Variants in LYNX1 observed in about 807,000 individuals in gnomAD.
LYNX1 encodes Ly6/neurotoxin 1, also known as ly-6/neurotoxin-like protein 1.
A neutral mutation model predicts 8.3 loss-of-function variants in LYNX1; 8 were observed. That is an observed-to-expected ratio of 0.97 (90% CI 0.57 to 1.74). The LOEUF (loss-of-function observed/expected upper bound fraction) is 1.74. Among genes scored for constraint, LYNX1 ranks in the 40% most tolerant of loss-of-function variants. The pLI, the probability that LYNX1 is intolerant of heterozygous loss-of-function variation, is 0.00. For synonymous variants in LYNX1, 73 were observed against 67.9 expected (o/e 1.08, Z -0.37); for missense variants, 158 against 159.7 (o/e 0.99, Z 0.06).
In LYNX1 at chr8:142,771,759, G is replaced by A. The variant is rs748608477; in HGVS notation, c.*3408C>T. On this transcript the variant is annotated 3_prime_UTR_variant, in exon 4 of 4. Coordinates refer to ENST00000652477, the MANE Select transcript of LYNX1 (RefSeq NM_177477.4). ...CCAAATCGCCTTCATGAGAGATGAC[G>A]AATCAGATGCTACATAGTGGGGGAG... The A allele has an allele frequency of 2.2e-5, 22 of 985,722 alleles. No homozygotes were observed. The East Asian group carries it at 8.0e-4, about 36-fold the overall frequency. 61.1% of individuals were successfully genotyped at this position (985,722 alleles called of 1,614,324 possible). A position where few individuals can be genotyped will look rare whatever the true frequency, so the allele number is the denominator to read the frequency against.
Position 142,773,102 on chromosome 8 carries a change from A to G in LYNX1, c.*2065T>C. ...GCTGAGGAAGCCACCCAACCCGACAATGGGCTTGCGCAAGCCGCGCAGTGA... is the reference window on the plus strand; with the variant it reads ...GCTGAGGAAGCCACCCAACCCGACAGTGGGCTTGCGCAAGCCGCGCAGTGA... On this transcript the variant is annotated 3_prime_UTR_variant, in exon 4 of 4. Coordinates refer to ENST00000652477, the MANE Select transcript of LYNX1 (RefSeq NM_177477.4). 2.0e-6 allele frequency: 2 copies of G among 985,442 alleles called. No individual in the cohort carries two copies. 61.0% of individuals were successfully genotyped at this position (985,442 alleles called of 1,614,324 possible).
upstream of LYNX1, chr8:142,777,719 G>A: frequency 2.5e-6 from 1 of 397,606 alleles, no homozygotes; most frequent in Non-Finnish European, 4.4e-6. Flanking sequence ...CCGACACAGA[G>A]GCAGCCACGC....
chr8:142,775,390 G>C, intron 3 of LYNX1, 27 bp from the exon 4 acceptor site: 1 of 1,608,938 alleles, frequency 6.2e-7, no homozygotes, highest in East Asian at 2.2e-5. Flanking sequence ...CGGTGAGCCA[G>C]CTCCGCTAAG....
chr8:142,777,168 T>G lies in LYNX1; in HGVS notation c.-227A>C, dbSNP rs1428946764. ...GGAGTCACCCGCGGCCGCTCGCCGG[T>G]AGGTGCCTGCCTGAGTCTAATCGTA... On this transcript the variant is annotated 5_prime_UTR_variant, in exon 1 of 4. Transcript: ENST00000652477. The G allele has an allele frequency of 6.6e-6, 1 of 152,466 alleles. No individual in the cohort carries two copies. Among genetic ancestry groups the G allele is most frequent in the African/African-American group, 2.4e-5 (1 of 41,460 alleles). 9.4% of individuals were successfully genotyped at this position (152,466 alleles called of 1,614,324 possible).
At position 142,773,798 on chromosome 8, in the gene LYNX1, C is replaced by T. The variant is rs1053370323; in HGVS notation, c.*1369G>A. 1 of 985,276 alleles carries T rather than the reference C, an allele frequency of 1.0e-6. No individual in the cohort carries two copies. Among genetic ancestry groups the T allele is most frequent in the Non-Finnish European group, 1.2e-6 (1 of 829,938 alleles). The allele number at this position is 985,276 out of a possible 1,614,324, so 61.0% of individuals were successfully genotyped here. A position where few individuals can be genotyped will look rare whatever the true frequency, so the allele number is the denominator to read the frequency against. ...CCTACCACATGGATATGTCACCATC[C>T]TGCCCATGCGGGATGGCTTGAAGGG... On this transcript the variant is annotated 3_prime_UTR_variant, in exon 4 of 4. Transcript: ENST00000652477.
upstream of LYNX1, chr8:142,777,848 G>A: frequency 2.5e-6 from 1 of 398,766 alleles, no homozygotes; most frequent in Non-Finnish European, 4.4e-6. Context: ...ACTCGCCCGC[G>A]CCGCGTCGTT....
At position 142,771,286 on chromosome 8, in the gene LYNX1, G is replaced by A; in HGVS notation, c.*3881C>T. 1 of 985,518 alleles carries A rather than the reference G, an allele frequency of 1.0e-6. No individual in the cohort carries two copies. The highest frequency in any genetic ancestry group is 1.2e-6 in the Non-Finnish European group (1 of 829,986). The allele number at this position is 985,518 out of a possible 1,614,324, so 61.0% of individuals were successfully genotyped here. A position where few individuals can be genotyped will look rare whatever the true frequency, so the allele number is the denominator to read the frequency against. On this transcript the variant is annotated 3_prime_UTR_variant, in exon 4 of 4. Transcript: ENST00000652477. ...AGGGTTAGGGCAAGCATTAGCAGCA[G>A]GGGCATGGCCCTGGGAAGCACCTGG... is the stretch of plus-strand genomic sequence containing the variant.
chr8:142,775,187 T>C lies in LYNX1; in HGVS notation c.331A>G (p.Thr111Ala). 6.2e-7 allele frequency: 1 copy of C among 1,611,840 alleles called. No homozygotes were observed. The highest frequency in any genetic ancestry group is 8.5e-7 in the Non-Finnish European group (1 of 1,179,272). ...TLALAPILLA[T>A]LWGLL Reference sequence around the variant, plus strand: ...GGGCTTTAGAGGAGACCCCAGAGGGTGGCCAGGAGGATGGGGGCCAGGGCC... The same window carrying C: ...GGGCTTTAGAGGAGACCCCAGAGGGCGGCCAGGAGGATGGGGGCCAGGGCC... Residue 111 changes from threonine to alanine, a missense_variant, in exon 4 of 4, where the codon ACC becomes GCC. Thr to Ala is a moderately conservative substitution (Grantham distance 58). Transcript: ENST00000652477.
Position 142,773,543 on chromosome 8 carries a change from A to G in LYNX1, c.*1624T>C. The G allele has an allele frequency of 5.1e-6, 5 of 985,574 alleles. No homozygotes were observed. Among genetic ancestry groups the G allele is most frequent in the Non-Finnish European group, 6.0e-6 (5 of 830,076 alleles). 61.1% of individuals were successfully genotyped at this position (985,574 alleles called of 1,614,324 possible). On this transcript the variant is annotated 3_prime_UTR_variant, in exon 4 of 4. Transcript: ENST00000652477. ...TCCAGCGGGAACTGGGTGTGCCCTC[A>G]GCAAGACTCTGCCCCCTCCCATCCT...
Position 142,773,362 on chromosome 8 carries a change from G to C in LYNX1, c.*1805C>G, listed in dbSNP as rs891174123. Reference sequence around the variant, plus strand: ...TACAGCCACAACCACTGGGGGTAGGGGCGAGGGGAGTCCAGGCCCACCCTG... The same window carrying C: ...TACAGCCACAACCACTGGGGGTAGGCGCGAGGGGAGTCCAGGCCCACCCTG... On this transcript the variant is annotated 3_prime_UTR_variant, in exon 4 of 4. Transcript: ENST00000652477. 3.0e-6 allele frequency: 3 copies of C among 985,782 alleles called. No homozygotes were observed. In the African/African-American group the frequency reaches 5.2e-5, roughly 17 times the overall value. 61.1% of individuals were successfully genotyped at this position (985,782 alleles called of 1,614,324 possible). A position where few individuals can be genotyped will look rare whatever the true frequency, so the allele number is the denominator to read the frequency against.
intron 1 of LYNX1, 142 bp from the exon 2 acceptor site, chr8:142,776,263 G>C (rs1017677076): frequency 2.1e-6 from 1 of 480,508 alleles, no homozygotes; most frequent in African/African-American, 2.0e-5. Flanking sequence ...AGACACTTGG[G>C]ATGGGACAAG....
In LYNX1 at chr8:142,775,160, G is replaced by A. The variant is rs138216432; in HGVS notation, c.*7C>T. On this transcript the variant is annotated 3_prime_UTR_variant, in exon 4 of 4. Coordinates refer to ENST00000652477, the MANE Select transcript of LYNX1 (RefSeq NM_177477.4). ...CTTTGTTCTTGAGTGGGTCTGCCTC[G>A]GGGGCTTTAGAGGAGACCCCAGAGG... 8.7e-6 allele frequency: 14 copies of A among 1,608,654 alleles called. No individual in the cohort carries two copies. The highest frequency in any genetic ancestry group is 4.4e-5 in the South Asian group (4 of 90,498).
In LYNX1 at chr8:142,774,573, C is replaced by G; in HGVS notation, c.*594G>C. 1 of 985,832 alleles carries G rather than the reference C, an allele frequency of 1.0e-6. No individual in the cohort carries two copies. Among genetic ancestry groups the G allele is most frequent in the Non-Finnish European group, 1.2e-6 (1 of 830,250 alleles). 61.1% of individuals were successfully genotyped at this position (985,832 alleles called of 1,614,324 possible). A position where few individuals can be genotyped will look rare whatever the true frequency, so the allele number is the denominator to read the frequency against. On this transcript the variant is annotated 3_prime_UTR_variant, in exon 4 of 4. Coordinates refer to ENST00000652477, the MANE Select transcript of LYNX1 (RefSeq NM_177477.4). ...CTGGGGCCTGCTGAGGCAGAGCCGCCCCCTCCCCTGCAGGGGGTGGCTCCA... is the reference window on the plus strand; with the variant it reads ...CTGGGGCCTGCTGAGGCAGAGCCGCGCCCTCCCCTGCAGGGGGTGGCTCCA...
rs1305573659 is a variant in LYNX1 at position 142,774,230 on chromosome 8, G to A, written c.*937C>T. ...TCCGCCTTCCCACGCCCAGGCCCGC[G>A]CCGGCCCCAGGCTGCTCCCAACCCC... On this transcript the variant is annotated 3_prime_UTR_variant, in exon 4 of 4. Coordinates refer to ENST00000652477, the MANE Select transcript of LYNX1 (RefSeq NM_177477.4). 6 of 975,972 alleles carry A rather than the reference G, an allele frequency of 6.1e-6. No individual in the cohort carries two copies. The highest frequency in any genetic ancestry group is 6.0e-6 in the Non-Finnish European group (5 of 827,668). 60.5% of individuals were successfully genotyped at this position (975,972 alleles called of 1,614,324 possible).
At chr8:142,777,688 C>G (rs1815486345), upstream of LYNX1, 2 of 397,166 alleles carry the variant, frequency 5.0e-6, no homozygotes, top group East Asian at 7.1e-5. Flanking sequence ...GACCCCGAGG[C>G]CAGTCCAGGC....
In LYNX1 at chr8:142,775,426, A is replaced by G. The variant is rs1587615998; in HGVS notation, c.155-63T>C. 26 of 1,591,394 alleles carry G rather than the reference A, an allele frequency of 1.6e-5. No individual in the cohort carries two copies. The East Asian group carries it at 5.6e-4, about 34-fold the overall frequency. ...AGGGGCAGGAGACCCAGCTGGCCCC[A>G]CCCCAGCATCCACAGCCATCAGGGC... On this transcript the variant is annotated intron_variant, in intron 3 of 3. Coordinates refer to ENST00000652477, the MANE Select transcript of LYNX1 (RefSeq NM_177477.4).
Position 142,772,956 on chromosome 8 carries a change from C to T in LYNX1, c.*2211G>A. The T allele has an allele frequency of 1.0e-6, 1 of 985,886 alleles. No homozygotes were observed. The highest frequency in any genetic ancestry group is 1.2e-6 in the Non-Finnish European group (1 of 830,268). 61.1% of individuals were successfully genotyped at this position (985,886 alleles called of 1,614,324 possible). A position where few individuals can be genotyped will look rare whatever the true frequency, so the allele number is the denominator to read the frequency against. On this transcript the variant is annotated 3_prime_UTR_variant, in exon 4 of 4. Coordinates refer to ENST00000652477, the MANE Select transcript of LYNX1 (RefSeq NM_177477.4). ...CCACCCCTCAACACCACAGCACTTCCAGCTCCAGCAGGTCCTTGTTCTCAG... is the reference window on the plus strand; with the variant it reads ...CCACCCCTCAACACCACAGCACTTCTAGCTCCAGCAGGTCCTTGTTCTCAG...
Position 142,775,268 on chromosome 8 carries a change from A to C in LYNX1, c.250T>G (p.Ser84Ala). ...DGYSKHASTT[S>A]CCQYDLCNGT... Reference sequence around the variant, plus strand: ...TTGCAGAGGTCGTACTGGCAGCAGGAGGTGGTGGACGCGTGCTTGGAGTAG... The same window carrying C: ...TTGCAGAGGTCGTACTGGCAGCAGGCGGTGGTGGACGCGTGCTTGGAGTAG... Residue 84 changes from serine (S) to alanine (A), a missense_variant, in exon 4 of 4, where the codon TCC becomes GCC. Transcript: ENST00000652477. 1 of 1,613,702 alleles carries C rather than the reference A, an allele frequency of 6.2e-7. No individual in the cohort carries two copies. The highest frequency in any genetic ancestry group is 8.5e-7 in the Non-Finnish European group (1 of 1,179,970).
At position 142,773,149 on chromosome 8, in the gene LYNX1, G is replaced by A. The variant is rs1815252060; in HGVS notation, c.*2018C>T. The A allele has an allele frequency of 1.0e-6, 1 of 985,514 alleles. No homozygotes were observed. The highest frequency in any genetic ancestry group is 1.2e-6 in the Non-Finnish European group (1 of 830,096). 61.0% of individuals were successfully genotyped at this position (985,514 alleles called of 1,614,324 possible). A position where few individuals can be genotyped will look rare whatever the true frequency, so the allele number is the denominator to read the frequency against. The stretch of plus-strand genomic sequence containing the variant: ...GTGACTGCTCCCAGCCTCTCCCAAG[G>A]ACTTAGGAGCCCAAAGCCGCCTCCC... On this transcript the variant is annotated 3_prime_UTR_variant, in exon 4 of 4. Transcript: ENST00000652477.
Sources: allele counts gnomAD v4.1 joint callset, GRCh38; gene constraint gnomAD v4.1.1; transcripts MANE v1.5; gene names NCBI Gene and HGNC (gene_info 2026-07-23, HGNC 2026-07-21).